GTF2IRD1: variants seen among roughly 807,000 people sequenced by gnomAD.
GTF2IRD1 encodes general transcription factor II-I repeat domain-containing protein 1.
Under a neutral mutation model 113.2 loss-of-function variants are expected in GTF2IRD1, and 26 were observed. That is an observed-to-expected ratio of 0.23 (90% confidence interval 0.17 to 0.32). The LOEUF (loss-of-function observed/expected upper bound fraction) is 0.32, where lower values mean the gene tolerates loss of function less well. Ranked by LOEUF, GTF2IRD1 falls within the 10% of genes least tolerant of loss-of-function variation. GTF2IRD1 has a pLI of 1.00. For synonymous variants in GTF2IRD1, 484 were observed against 529.1 expected, an observed-to-expected ratio of 0.91 and a Z score of 1.17; for missense variants, 864 against 1,280.8, an observed-to-expected ratio of 0.67 and a Z score of 4.97.
At chr7:74,498,880 C>T (rs73364443) in intron 1 of GTF2IRD1, among the ~76,000 whole-genome samples, 15,753 of 151,986 alleles carry the variant, frequency 0.1, 1,993 homozygotes, top group East Asian at 0.38. Flanking sequence ...AGGCGTGTAC[C>T]ACCACCCCCA....
At chr7:74,504,691 C>T (rs1175844550) in intron 1 of GTF2IRD1, among the ~76,000 whole-genome samples, 1 of 150,440 alleles carries the variant, frequency 6.6e-6, no homozygotes, top group Non-Finnish European at 1.5e-5. Flanking sequence ...CCAATGCTGC[C>T]ATCAGAATTT....
chr7:74,485,780 G>T (rs1173256164), intron 1 of GTF2IRD1, among the ~76,000 whole-genome samples: 2 of 151,984 alleles, frequency 1.3e-5, no homozygotes, highest in African/African-American at 4.8e-5. Context: ...TAAAAAATTA[G>T]CCGGGTATGG....
intron 9 of GTF2IRD1, among the ~76,000 whole-genome samples, chr7:74,534,775 C>T (rs782703073): frequency 2.0e-5 from 3 of 151,402 alleles, no homozygotes; most frequent in East Asian, 1.9e-4. Flanking sequence ...TGGTGGTGCA[C>T]GTCTGTAGTC....
At chr7:74,477,053 G>T (rs11980365) in intron 1 of GTF2IRD1, among the ~76,000 whole-genome samples, 22,804 of 152,084 alleles carry the variant, frequency 0.15, 2,167 homozygotes, top group African/African-American at 0.27. Flanking sequence ...CTGGAAGATG[G>T]GGCATCCAAG....
At chr7:74,511,048 CAAA>C (rs782366013) in intron 2 of GTF2IRD1, among the ~76,000 whole-genome samples, 3 of 104,310 alleles carry the variant, frequency 2.9e-5, no homozygotes, top group African/African-American at 7.0e-5. Context: ...GACTTTGTCT[CAAA>C]AAAAAAAAAA....
chr7:74,512,783 CG>C lies in GTF2IRD1; in HGVS notation c.124-45del, dbSNP rs1796711509. 6.3e-7 allele frequency: 1 copy of C among 1,594,224 alleles called. No individual in the cohort carries two copies. The highest frequency in any genetic ancestry group is 8.6e-7 in the Non-Finnish European group (1 of 1,167,726). On this transcript the variant is annotated intron_variant, in intron 2 of 26. Coordinates refer to ENST00000424337, the MANE Select transcript of GTF2IRD1 (RefSeq NM_005685.4). This position sits in a 1 kb window ranked among gnomAD's most constrained non-coding sequence, Gnocchi z 4.4. Reference sequence around the variant, plus strand: ...CCCCGAAGTGGATACTAGAGGTGTTCGGAGTATGGGGAGCCCTTCCGCTCAC... The same window carrying C: ...CCCCGAAGTGGATACTAGAGGTGTTCGAGTATGGGGAGCCCTTCCGCTCAC...
At chr7:74,529,942 G>T (rs782053110) in intron 9 of GTF2IRD1, 25 bp downstream of exon 9, 55 of 1,567,428 alleles carry the variant, frequency 3.5e-5, no homozygotes, top group Non-Finnish European at 4.5e-5. Context: ...GGGCGCAGTG[G>T]CTCATGCCTG....
rs140864001 is a variant in GTF2IRD1 at position 74,493,211 on chromosome 7, G to A, written c.-6-14864G>A. The stretch of plus-strand genomic sequence containing the variant: ...AGCATCCTTGACCTCCTGGGCTCAG[G>A]GGATCCTCCCATCTCAGCCTCCCGA... On this transcript the variant is annotated intron_variant, in intron 1 of 26. Coordinates refer to ENST00000424337, the MANE Select transcript of GTF2IRD1 (RefSeq NM_005685.4). Among the ~76,000 whole-genome samples, 970 of 151,660 alleles carry A rather than the reference G, an allele frequency of 6.4e-3. 9 individuals are homozygous for A. Among genetic ancestry groups the A allele is most frequent in the Middle Eastern group, 0.055 (16 of 292 alleles).
At chr7:74,503,398 C>G (rs1408978623) in intron 1 of GTF2IRD1, among the ~76,000 whole-genome samples, 2 of 152,196 alleles carry the variant, frequency 1.3e-5, no homozygotes, top group Non-Finnish European at 2.9e-5. Context: ...TCCCAGTGGA[C>G]TTCCCTCCAC....
rs587620714 is a variant in GTF2IRD1 at position 74,582,264 on chromosome 7, C to T, written c.2321-7587C>T. Among the ~76,000 whole-genome samples, 10 of 152,292 alleles carry T rather than the reference C, an allele frequency of 6.6e-5. No individual in the cohort carries two copies. The South Asian group carries it at 1.9e-3, about 28-fold the overall frequency. On this transcript the variant is annotated intron_variant, in intron 22 of 26. Transcript: ENST00000424337. ...CAGACACAAACCCAGTGTCAGGTCC[C>T]CAGACACGGCAGGGGACAGGGGAGT...
intron 22 of GTF2IRD1, among the ~76,000 whole-genome samples, chr7:74,581,088 C>T (rs1479387497): frequency 6.6e-6 from 1 of 151,968 alleles, no homozygotes; most frequent in Admixed American, 6.6e-5. Context: ...GGCGCCATCT[C>T]GGCTCACTGC....
At chr7:74,528,935 G>T (rs2130430660) in intron 8 of GTF2IRD1, among the ~76,000 whole-genome samples, 1 of 107,618 alleles carries the variant, frequency 9.3e-6, no homozygotes, top group South Asian at 3.1e-4. Context: ...GGACAACCGG[G>T]TGGATGGGTG....
intron 1 of GTF2IRD1, among the ~76,000 whole-genome samples, chr7:74,459,359 G>A (rs1216693751): frequency 1.3e-5 from 2 of 152,066 alleles, no homozygotes; most frequent in African/African-American, 2.4e-5. Context: ...TCGGGAGGCT[G>A]AGGCAAGAGA....
intron 17 of GTF2IRD1, among the ~76,000 whole-genome samples, chr7:74,552,313 G>T (rs1266268730): frequency 4.6e-5 from 7 of 152,168 alleles, no homozygotes; most frequent in African/African-American, 7.2e-5. Flanking sequence ...GAGGTCAGAA[G>T]TTCGAGACCA....
At chr7:74,598,511 G>T (rs2131072854) in intron 25 of GTF2IRD1, among the ~76,000 whole-genome samples, 1 of 152,090 alleles carries the variant, frequency 6.6e-6, no homozygotes, top group East Asian at 1.9e-4. Context: ...AGCCGCTCAG[G>T]AGGCTGAGGC....
Position 74,554,465 on chromosome 7 carries a change from A to G in GTF2IRD1, c.1917-709A>G, listed in dbSNP as rs1487499573. ...CGACTGCAGTAACACAGCAGCTCTC[A>G]GACGTGAGCCGTAGATCTCAGACCT... On this transcript the variant is annotated intron_variant, in intron 17 of 26. Transcript: ENST00000424337. Among the ~76,000 whole-genome samples the G allele has an allele frequency of 4.6e-5, 7 of 152,334 alleles. 1 individual carries two copies. In the South Asian group the frequency reaches 1.2e-3, roughly 27 times the overall value.
intron 22 of GTF2IRD1, among the ~76,000 whole-genome samples, chr7:74,562,287 T>A (rs1246424953): frequency 6.6e-6 from 1 of 151,850 alleles, no homozygotes; most frequent in Non-Finnish European, 1.5e-5. Context: ...CCAGGGCAGG[T>A]GGAGGGGTGG....
In GTF2IRD1 at chr7:74,591,021, A is replaced by C. The variant is rs782081275; in HGVS notation, c.2591+4A>C. On this transcript the variant is annotated splice_donor_region_variant and intron_variant, in intron 24 of 26. Coordinates refer to ENST00000424337, the MANE Select transcript of GTF2IRD1 (RefSeq NM_005685.4). ...TGGTCATCATTAACCAGCTCCAGTGAGTGCCCGGCCTCTGGAACGGGGAAC... is the reference window on the plus strand; with the variant it reads ...TGGTCATCATTAACCAGCTCCAGTGCGTGCCCGGCCTCTGGAACGGGGAAC... 1 of 1,603,744 alleles carries C rather than the reference A, an allele frequency of 6.2e-7. No homozygotes were observed. The highest frequency in any genetic ancestry group is 1.7e-5 in the Admixed American group (1 of 59,836).
chr7:74,458,158 A>G (rs781808288), intron 1 of GTF2IRD1, among the ~76,000 whole-genome samples: 1 of 152,046 alleles, frequency 6.6e-6, no homozygotes, highest in Non-Finnish European at 1.5e-5. Flanking sequence ...GGCATGAGAC[A>G]CTGCGCCCGG....
Sources: allele counts gnomAD v4.1 joint callset (sites outside exome capture counted in the v4.1 genomes callset), GRCh38; gene constraint gnomAD v4.1.1; non-coding constraint Gnocchi (gnomAD v3.1); transcripts MANE v1.5; gene names NCBI Gene and HGNC (gene_info 2026-07-23, HGNC 2026-07-21).